RBM26: variants seen among roughly 807,000 people sequenced by gnomAD.
RBM26 encodes the protein RNA binding motif protein 26, also known as RNA-binding protein 26.
RBM26 carries 30 observed loss-of-function variants against 123.6 expected under a neutral mutation model. The observed-to-expected ratio is 0.24, with a 90% CI of 0.18 to 0.33. RBM26 has a LOEUF of 0.33. Ranked by LOEUF, RBM26 falls within the 10% of genes least tolerant of loss-of-function variation. The pLI is 1.00. For synonymous variants in RBM26, 400 were observed against 404.4 expected (o/e 0.99, Z 0.13); for missense variants, 947 against 1,203.6 (o/e 0.79, Z 3.15).
chr13:79,352,041 T>C (rs540587575), intron 14 of RBM26, among the ~76,000 whole-genome samples: 2 of 152,326 alleles, frequency 1.3e-5, no homozygotes, highest in East Asian at 1.9e-4. Context: ...AATTAATTTA[T>C]ATAGGAAATA....
intron 7 of RBM26, 149 bp downstream of exon 7, chr13:79,366,484 G>A (rs2075279829): frequency 1.2e-6 from 1 of 812,558 alleles, no homozygotes; most frequent in Non-Finnish European, 1.9e-6. Context: ...CAAAGTGGAG[G>A]TGTATTCCAA....
downstream of RBM26, among the ~76,000 whole-genome samples, chr13:79,317,549 C>T (rs1481304308): frequency 6.6e-6 from 1 of 151,610 alleles, no homozygotes; most frequent in Non-Finnish European, 1.5e-5. Flanking sequence ...ACTAGATCAC[C>T]TTTGGATATA....
At chr13:79,341,375 A>T in intron 17 of RBM26, 148 bp from the exon 18 acceptor site, 1 of 477,938 alleles carries the variant, frequency 2.1e-6, no homozygotes, top group Non-Finnish European at 3.7e-6. Context: ...AAAATACTCC[A>T]CACCTCCACA....
intron 7 of RBM26, 22 bp downstream of exon 7, chr13:79,366,611 G>A: frequency 2.0e-6 from 3 of 1,496,632 alleles, no homozygotes; most frequent in Non-Finnish European, 1.8e-6. Flanking sequence ...ATAAATACAG[G>A]GAAACAAACA....
chr13:79,375,314 A>G (rs1238935301), intron 3 of RBM26, among the ~76,000 whole-genome samples: 1 of 151,216 alleles, frequency 6.6e-6, no homozygotes, highest in African/African-American at 2.4e-5. Context: ...CTGGGATTAC[A>G]GGCACCTGCC....
exon 5 of RBM26, chr13:79,313,119 G>A (rs1204232664): frequency 6.6e-6 from 1 of 151,726 alleles, no homozygotes; most frequent in Non-Finnish European, 1.5e-5. Context: ...ATCATGCAGA[G>A]GAAACTGCTT....
chr13:79,398,597 A>G (rs908349035), intron 1 of RBM26, among the ~76,000 whole-genome samples: 2 of 152,344 alleles, frequency 1.3e-5, no homozygotes, highest in African/African-American at 2.4e-5. Context: ...TAGAATTACT[A>G]TAATTCTTTT....
chr13:79,357,621 T>A (rs2074180712), intron 11 of RBM26, among the ~76,000 whole-genome samples: 1 of 152,060 alleles, frequency 6.6e-6, no homozygotes, highest in South Asian at 2.1e-4. Context: ...GCCCCAAAAG[T>A]CTCTATTAAG....
rs140483353 is a variant in RBM26 at position 79,332,995 on chromosome 13, A to G, written c.2820+1349T>C. Among the ~76,000 whole-genome samples, 590 of 152,240 alleles carry G rather than the reference A, an allele frequency of 3.9e-3. 7 individuals are homozygous for G. Among genetic ancestry groups the G allele is most frequent in the African/African-American group, 0.014 (570 of 41,554 alleles). ...GTACAGTAACAACTATCATTATTTT[A>G]TAATACCACTATTCCCTAGAAAATA... On this transcript the variant is annotated intron_variant, in intron 20 of 21. Transcript: ENST00000438737.
intron 3 of RBM26, among the ~76,000 whole-genome samples, chr13:79,373,733 A>G (rs1261470784): frequency 1.8e-5 from 1 of 56,976 alleles, no homozygotes; most frequent in African/African-American, 4.0e-5. Flanking sequence ...ATAATAATAT[A>G]TAATATTTTA....
chr13:79,339,768 G>A (rs1314975548), intron 18 of RBM26, among the ~76,000 whole-genome samples: 3 of 151,924 alleles, frequency 2.0e-5, no homozygotes, highest in Non-Finnish European at 2.9e-5. Flanking sequence ...CAGTAAAAAC[G>A]CATATCCAAT....
rs934001354 is a variant in RBM26, at chr13:79,358,129, C to G, written c.1689+145G>C. On this transcript the variant is annotated intron_variant, in intron 11 of 21. Coordinates refer to ENST00000438737, the MANE Select transcript of RBM26 (RefSeq NM_001366735.2). ...AATTCCTCACCTCAGGTGATCCGCC[C>G]GCCTTGGCCTCCCAAAGTGCTGGGA... is the stretch of plus-strand genomic sequence containing the variant. 3.5e-5 allele frequency: 21 copies of G among 593,114 alleles called. 1 individual carries two copies. The African/African-American group carries it at 3.6e-4, about 10-fold the overall frequency. 36.7% of individuals were successfully genotyped at this position (593,114 alleles called of 1,614,324 possible). A position where few individuals can be genotyped will look rare whatever the true frequency, so the allele number is the denominator to read the frequency against.
chr13:79,403,432 C>CT (rs1377519460), intron 1 of RBM26, among the ~76,000 whole-genome samples: 3 of 152,136 alleles, frequency 2.0e-5, no homozygotes, highest in African/African-American at 7.2e-5. Flanking sequence ...AGCATACACT[C>CT]TAAGTAGCTA....
downstream of RBM26, chr13:79,318,810 C>G: frequency 2.0e-6 from 2 of 983,624 alleles, no homozygotes; most frequent in Non-Finnish European, 2.4e-6. Flanking sequence ...GATTTACTTT[C>G]TTTGTAATAC....
chr13:79,358,593 T>A (rs1316321896), intron 10 of RBM26, among the ~76,000 whole-genome samples, 160 bp from the exon 11 acceptor site: 1 of 152,198 alleles, frequency 6.6e-6, no homozygotes, highest in Admixed American at 6.5e-5. Flanking sequence ...CTTCCAACAA[T>A]GAAGTTTCCA....
At chr13:79,373,489 TA>T (rs1421672714) in intron 3 of RBM26, among the ~76,000 whole-genome samples, 52 of 57,676 alleles carry the variant, frequency 9.0e-4, no homozygotes, top group East Asian at 1.3e-3. Context: ...CAAATATATA[TA>T]ATATGTATAA....
intron 20 of RBM26, among the ~76,000 whole-genome samples, chr13:79,325,209 T>C (rs1342138692): frequency 6.6e-6 from 1 of 152,154 alleles, no homozygotes; most frequent in Non-Finnish European, 1.5e-5. Context: ...ACATATTTAC[T>C]ATACTATACT....
intron 11 of RBM26, 27 bp downstream of exon 11, chr13:79,358,247 A>AT: frequency 3.2e-6 from 5 of 1,547,456 alleles, no homozygotes; most frequent in Non-Finnish European, 4.4e-6. Context: ...GAAAGAAGAG[A>AT]TAACAAAACC....
chr13:79,373,232 A>G (rs1441303582), intron 3 of RBM26, among the ~76,000 whole-genome samples: 1 of 106,400 alleles, frequency 9.4e-6, no homozygotes, highest in Non-Finnish European at 1.7e-5. Flanking sequence ...AAATATGTAT[A>G]TGTTTATGTG....
Sources: allele counts gnomAD v4.1 joint callset (sites outside exome capture counted in the v4.1 genomes callset), GRCh38; gene constraint gnomAD v4.1.1; transcripts MANE v1.5; gene names NCBI Gene and HGNC (gene_info 2026-07-23, HGNC 2026-07-21).